The following GLDC variants were observed in gnomAD, a reference collection of about 807,000 sequenced individuals.
GLDC encodes the protein glycine dehydrogenase (decarboxylating), mitochondrial.
GLDC carries 104 observed loss-of-function variants against 121.3 expected under a neutral mutation model. The ratio of observed to expected loss-of-function variants is 0.86; its 90% confidence interval spans 0.73 to 1.01. GLDC has a LOEUF of 1.01. Ranked by LOEUF, GLDC falls within the 50% of genes least tolerant of loss-of-function variation. The probability of loss-of-function intolerance (pLI) is 0.00; values close to 1 mark genes in which losing one functional copy is unlikely to be tolerated. For synonymous variants in GLDC, 546 were observed against 480.6 expected (o/e 1.14, Z -1.78); for missense variants, 1,429 against 1,306.6 (o/e 1.09, Z -1.44).
chr9:6,597,139 C>T (rs1587954397), intron 8 of GLDC, among the ~76,000 whole-genome samples: 1 of 152,050 alleles, frequency 6.6e-6, no homozygotes, highest in South Asian at 2.1e-4. Context: ...TTGTATGATC[C>T]CATTTATATG....
intron 11 of GLDC, among the ~76,000 whole-genome samples, chr9:6,589,615 C>T (rs1024620267): frequency 4.0e-5 from 6 of 151,890 alleles, no homozygotes; most frequent in East Asian, 1.9e-4. Context: ...TTTCTAGAGA[C>T]GATGTTTCAC....
chr9:6,547,303 G>A (rs921699877), intron 21 of GLDC, among the ~76,000 whole-genome samples: 2 of 152,168 alleles, frequency 1.3e-5, no homozygotes, highest in Non-Finnish European at 2.9e-5. Flanking sequence ...GGAGAAGGAA[G>A]TAGACAGAAC....
chr9:6,535,905 G>A, intron 23 of GLDC, 159 bp downstream of exon 23: 1 of 710,432 alleles, frequency 1.4e-6, no homozygotes, highest in Admixed American at 2.0e-5. Flanking sequence ...TCAAGACGAT[G>A]GAAACTTCAA....
rs766944621 is a variant in GLDC at position 6,605,217 on chromosome 9, C to T, written c.775G>A (p.Val259Ile). The change falls in exon 6 of 25, where the codon GTC becomes ATC. Residue 259 changes from valine to isoleucine, a missense_variant. Coordinates refer to ENST00000321612, the MANE Select transcript of GLDC (RefSeq NM_000170.3). Reference sequence around the variant, plus strand: ...GGGTACTGGAACAACACTCCACTGACATCTTTTCCACTGAAGTCCATTTCA... The same window carrying T: ...GGGTACTGGAACAACACTCCACTGATATCTTTTCCACTGAAGTCCATTTCA... ...PCEMDFSGKD[V>I]SGVLFQYPDT... The T allele has an allele frequency of 6.2e-7, 1 of 1,613,514 alleles. No homozygotes were observed. The highest frequency in any genetic ancestry group is 8.5e-7 in the Non-Finnish European group (1 of 1,179,568).
intron 2 of GLDC, among the ~76,000 whole-genome samples, chr9:6,637,354 G>C (rs1042481918): frequency 6.6e-6 from 1 of 151,488 alleles, no homozygotes; most frequent in Non-Finnish European, 1.5e-5. Context: ...GCAGTGAGCT[G>C]AGATCGAGCC....
chr9:6,594,460 C>G (rs1818448190), intron 9 of GLDC, among the ~76,000 whole-genome samples: 1 of 151,932 alleles, frequency 6.6e-6, no homozygotes, highest in African/African-American at 2.4e-5. Flanking sequence ...CTTTGAGAGG[C>G]CAAAGTGGAC....
At chr9:6,639,657 C>CGT (rs1819585165) in intron 2 of GLDC, 1 of 259,112 alleles carries the variant, frequency 3.9e-6, no homozygotes, top group African/African-American at 8.9e-5. Context: ...ATCTTTTCAC[C>CGT]ATAAAAAAAA....
chr9:6,551,869 C>G (rs895081118), intron 20 of GLDC, among the ~76,000 whole-genome samples: 2 of 152,146 alleles, frequency 1.3e-5, no homozygotes, highest in Admixed American at 1.3e-4. Flanking sequence ...GGAAGGACTT[C>G]GACTTTGTCC....
chr9:6,587,919 C>A (rs4543594), intron 14 of GLDC, among the ~76,000 whole-genome samples: 1 of 151,802 alleles, frequency 6.6e-6, no homozygotes, highest in Non-Finnish European at 1.5e-5. Context: ...AAAAAAGCTT[C>A]GCTAAAATGG....
intron 19 of GLDC, 123 bp downstream of exon 19, chr9:6,554,546 G>T: frequency 1.3e-6 from 1 of 763,766 alleles, no homozygotes; most frequent in Non-Finnish European, 2.3e-6. Flanking sequence ...GCCCCTACAA[G>T]TGCACTACAC....
Position 6,580,272 on chromosome 9 carries a change from G to C in GLDC, c.1850+6869C>G, listed in dbSNP as rs113445145. Among the ~76,000 whole-genome samples, 870 of 152,290 alleles carry C rather than the reference G, an allele frequency of 5.7e-3. 3 individuals carry two copies. The highest frequency in any genetic ancestry group is 0.017 in the Middle Eastern group (5 of 294). On this transcript the variant is annotated intron_variant, in intron 15 of 24. Coordinates refer to ENST00000321612, the MANE Select transcript of GLDC (RefSeq NM_000170.3). ...TAATTGCAGGACCAGCCCACACTGG[G>C]CCTGTTCTGTTGATAACAAAATGTT...
chr9:6,593,140 T>C (rs1304136220), intron 9 of GLDC, 150 bp from the exon 10 acceptor site: 3 of 731,338 alleles, frequency 4.1e-6, no homozygotes, highest in South Asian at 3.3e-5. Flanking sequence ...AAACTAAACA[T>C]GTTTATTATC....
At chr9:6,602,998 T>C (rs7030910) in intron 7 of GLDC, among the ~76,000 whole-genome samples, 96,447 of 151,866 alleles carry the variant, frequency 0.64, 31,863 homozygotes, top group African/African-American at 0.82. Context: ...GGGGCCAAGG[T>C]GGGCGGATCA....
At chr9:6,595,473 A>G (rs1401654067) in intron 8 of GLDC, among the ~76,000 whole-genome samples, 2 of 152,250 alleles carry the variant, frequency 1.3e-5, no homozygotes, top group Non-Finnish European at 2.9e-5. Context: ...TAAAGACCTC[A>G]GGGAGAAAAA....
chr9:6,559,814 CA>C (rs957545158), intron 16 of GLDC, among the ~76,000 whole-genome samples: 213 of 140,206 alleles, frequency 1.5e-3, no homozygotes, highest in Middle Eastern at 3.6e-3. Context: ...GACTCCGTCT[CA>C]AAAAAAAAAA....
chr9:6,588,619 A>C lies in GLDC; in HGVS notation c.1664T>G (p.Leu555Arg), dbSNP rs765384489. 5.6e-6 allele frequency: 9 copies of C among 1,602,418 alleles called. No individual in the cohort carries two copies. The highest frequency in any genetic ancestry group is 6.8e-6 in the Non-Finnish European group (8 of 1,169,438). The change falls in exon 13 of 25, where the codon CTG becomes CGG. Residue 555 changes from leucine (L) to arginine (R), a missense_variant and splice_region_variant. Transcript: ENST00000321612. ...AGAAAAAAGGCCACAAATAACTACCAGTGGAATCATGCTGTGAACAAGGGA... is the reference window on the plus strand; with the variant it reads ...AGAAAAAAGGCCACAAATAACTACCCGTGGAATCATGCTGTGAACAAGGGA... ...DISLVHSMIPLGSCTMKLNSS... is the reference protein window; with the variant it reads ...DISLVHSMIPRGSCTMKLNSS...
In GLDC at chr9:6,592,978, G is replaced by A. The variant is rs1818407631; in HGVS notation, c.1274C>T (p.Ala425Val). 2 of 1,605,912 alleles carry A rather than the reference G, an allele frequency of 1.2e-6. No individual in the cohort carries two copies. The highest frequency in any genetic ancestry group is 3.4e-5 in the Admixed American group (2 of 59,138). Residue 425 changes from alanine to valine, a missense_variant, in exon 10 of 25, where the codon GCA becomes GTA. Ala to Val is a moderately conservative substitution (Grantham distance 64, BLOSUM62 0). Coordinates refer to ENST00000321612, the MANE Select transcript of GLDC (RefSeq NM_000170.3). ...TLILSEGLKR[A>V]GHQLQHDLFF... Reference sequence around the variant, plus strand: ...CAGGTCATGCTGGAGTTGATGCCCTGCTCGCTTGAGACCTACACAAGATAG... The same window carrying A: ...CAGGTCATGCTGGAGTTGATGCCCTACTCGCTTGAGACCTACACAAGATAG...
Position 6,534,926 on chromosome 9 carries a change from A to C in GLDC, c.2839-138T>G, listed in dbSNP as rs894300441. ...GTTTTCTTTCAATTTAGGGGGGTAC[A>C]ATGTGATTTATAATTGTGAAATATT... On this transcript the variant is annotated intron_variant, in intron 23 of 24. Coordinates refer to ENST00000321612, the MANE Select transcript of GLDC (RefSeq NM_000170.3). 11 of 681,366 alleles carry C rather than the reference A, an allele frequency of 1.6e-5. No individual in the cohort carries two copies. In the African/African-American group the frequency reaches 1.8e-4, roughly 11 times the overall value. The allele number at this position is 681,366 out of a possible 1,614,324, so 42.2% of individuals were successfully genotyped here. A position where few individuals can be genotyped will look rare whatever the true frequency, so the allele number is the denominator to read the frequency against.
At position 6,645,230 on chromosome 9, in the gene GLDC, G is replaced by T. The variant is rs766384101; in HGVS notation, c.255+15C>A. Reference sequence around the variant, plus strand: ...GCGGAGGGGAGGCCGCGGAGGGCCGGGTGGAGGTCCTTACCGCCAGCCCCA... The same window carrying T: ...GCGGAGGGGAGGCCGCGGAGGGCCGTGTGGAGGTCCTTACCGCCAGCCCCA... On this transcript the variant is annotated intron_variant, in intron 1 of 24. Transcript: ENST00000321612. The T allele has an allele frequency of 4.4e-6, 7 of 1,578,688 alleles. No individual in the cohort carries two copies. The Admixed American group carries it at 1.2e-4, about 28-fold the overall frequency.
Sources: allele counts gnomAD v4.1 joint callset (sites outside exome capture counted in the v4.1 genomes callset), GRCh38; gene constraint gnomAD v4.1.1; transcripts MANE v1.5; gene names NCBI Gene and HGNC (gene_info 2026-07-23, HGNC 2026-07-21).